Variants in RAD51B observed in about 807,000 individuals in gnomAD.
The protein encoded by RAD51B is RAD51 paralog B, also known as DNA repair protein RAD51 homolog 2.
RAD51B carries 38 observed loss-of-function variants against 42.2 expected under a neutral mutation model. That is an observed-to-expected ratio of 0.90 (90% CI 0.70 to 1.18). The LOEUF (loss-of-function observed/expected upper bound fraction) is 1.18, where lower values mean the gene tolerates loss of function less well. Ranked by LOEUF, RAD51B falls within the 50% of genes most tolerant of loss-of-function variation. The pLI is 0.00. For missense variants in RAD51B, 373 were observed against 400.7 expected, an observed-to-expected ratio of 0.93 and a Z score of 0.59; for synonymous variants, 154 against 145.2, an observed-to-expected ratio of 1.06 and a Z score of -0.43.
intron 4 of RAD51B, among the ~76,000 whole-genome samples, chr14:67,839,801 G>C (rs938319537): frequency 6.0e-5 from 9 of 151,172 alleles, no homozygotes; most frequent in Admixed American, 3.3e-4. Flanking sequence ...TTTTTACTCT[G>C]ACCTTTTAAG....
At chr14:68,625,254 T>C (rs1485620849) in intron 10 of RAD51B, among the ~76,000 whole-genome samples, 1 of 152,152 alleles carries the variant, frequency 6.6e-6, no homozygotes, top group African/African-American at 2.4e-5. Context: ...TGTCGTGAGA[T>C]GTGTATCGGA....
At chr14:68,143,772 C>T (rs549849026) in intron 7 of RAD51B, among the ~76,000 whole-genome samples, 31 of 152,302 alleles carry the variant, frequency 2.0e-4, no homozygotes, top group Admixed American at 3.9e-4. Flanking sequence ...TCAGAGGAAG[C>T]GCAGGGTGGT....
intron 8 of RAD51B, among the ~76,000 whole-genome samples, chr14:68,391,640 A>AT (rs11414301): frequency 0.44 from 66,108 of 149,638 alleles, 16,176 homozygotes; most frequent in Admixed American, 0.58. Flanking sequence ...CATTATACCC[A>AT]TTTTTTTTTT....
chr14:67,986,665 C>T (rs2075199235), intron 7 of RAD51B, among the ~76,000 whole-genome samples: 1 of 152,162 alleles, frequency 6.6e-6, no homozygotes, highest in Admixed American at 6.5e-5. Context: ...CTCTTATTAT[C>T]CTTTTATTAT....
chr14:68,620,966 C>T (rs1179115995), intron 10 of RAD51B, among the ~76,000 whole-genome samples: 1 of 152,172 alleles, frequency 6.6e-6, no homozygotes, highest in Non-Finnish European at 1.5e-5. Flanking sequence ...ACTTAGATTG[C>T]ATGTTTATTT....
chr14:68,381,386 A>G (rs1053537490), intron 8 of RAD51B, among the ~76,000 whole-genome samples: 1 of 152,202 alleles, frequency 6.6e-6, no homozygotes, highest in African/African-American at 2.4e-5. Flanking sequence ...TAAAAAAGCC[A>G]TAGAGTTGGC....
At chr14:68,334,881 T>TATAGC (rs1555394279) in intron 8 of RAD51B, among the ~76,000 whole-genome samples, 3 of 130,272 alleles carry the variant, frequency 2.3e-5, no homozygotes, top group African/African-American at 8.4e-5. Context: ...ATAGGATAGA[T>TATAGC]ATATATTTTA....
rs148672009 is a variant in RAD51B, at chr14:68,017,970, G to GAATAAATAAATAAATAAATA, written c.756+130778_756+130797dup. On this transcript the variant is annotated intron_variant, in intron 7 of 10. Transcript: ENST00000471583. Reference sequence around the variant, plus strand: ...TAGTGACAGAGCAAGACTCCGTCTCGAATAAATAAATAAATAAATAAATAA... The same window carrying GAATAAATAAATAAATAAATA: ...TAGTGACAGAGCAAGACTCCGTCTCGAATAAATAAATAAATAAATAAATAAATAAATAAATAAATAAATAA... Among the ~76,000 whole-genome samples, 228 of 149,430 alleles carry GAATAAATAAATAAATAAATA rather than the reference G, an allele frequency of 1.5e-3. 1 individual carries two copies. Among genetic ancestry groups the GAATAAATAAATAAATAAATA allele is most frequent in the Admixed American group, 6.6e-3 (99 of 14,974 alleles).
chr14:68,065,206 T>A (rs1397229336), intron 7 of RAD51B, among the ~76,000 whole-genome samples: 1 of 152,136 alleles, frequency 6.6e-6, no homozygotes, highest in Non-Finnish European at 1.5e-5. Flanking sequence ...GTAGTCTCCA[T>A]GCAGTTTCTT....
chr14:68,421,620 G>A lies in RAD51B; in HGVS notation c.957+10093G>A, dbSNP rs17113834. The A allele has an allele frequency of 7.4e-4, 856 of 1,155,370 alleles. 3 individuals are homozygous for A. The African/African-American group carries it at 0.011, about 15-fold the overall frequency. 71.6% of individuals were successfully genotyped at this position (1,155,370 alleles called of 1,614,324 possible). On this transcript the variant is annotated intron_variant, in intron 9 of 10. Coordinates refer to ENST00000471583, the MANE Select transcript of RAD51B (RefSeq NM_133510.4). ...GAGCACAAAGATTCTAGGATACTGC[G>A]AGCAAACGGGGTGGAGGGGTGCTCT...
At chr14:68,680,699 C>T (rs1352400285) in intron 11 of RAD51B, among the ~76,000 whole-genome samples, 2 of 152,110 alleles carry the variant, frequency 1.3e-5, no homozygotes, top group Non-Finnish European at 2.9e-5. Flanking sequence ...TTAGTCAATG[C>T]CCAGTTTCTC....
At chr14:68,104,798 A>T (rs1266126493) in intron 7 of RAD51B, among the ~76,000 whole-genome samples, 2 of 152,104 alleles carry the variant, frequency 1.3e-5, no homozygotes, top group Non-Finnish European at 2.9e-5. Context: ...GAGCTACCTA[A>T]TGAGATACTG....
At chr14:68,246,824 T>C (rs540079041) in intron 7 of RAD51B, among the ~76,000 whole-genome samples, 1 of 152,342 alleles carries the variant, frequency 6.6e-6, no homozygotes, top group African/African-American at 2.4e-5. Flanking sequence ...AAGTCTTTCT[T>C]TGCAATTTTG....
At chr14:68,160,035 G>A (rs914706858) in intron 7 of RAD51B, among the ~76,000 whole-genome samples, 3 of 151,712 alleles carry the variant, frequency 2.0e-5, no homozygotes, top group African/African-American at 4.8e-5. Context: ...AAACATGTGA[G>A]AACACTCCTA....
At chr14:68,322,715 A>G in intron 8 of RAD51B, among the ~76,000 whole-genome samples, 1 of 152,138 alleles carries the variant, frequency 6.6e-6, no homozygotes, top group East Asian at 1.9e-4. Flanking sequence ...TGGAAAGGCC[A>G]TTGTCTCCTT....
At chr14:68,407,752 G>A (rs1475424180) in intron 8 of RAD51B, among the ~76,000 whole-genome samples, 1 of 152,186 alleles carries the variant, frequency 6.6e-6, no homozygotes, top group Non-Finnish European at 1.5e-5. Context: ...AGCATTGAAG[G>A]CAGAGTAGAT....
At chr14:67,996,208 G>A (rs996628684) in intron 7 of RAD51B, among the ~76,000 whole-genome samples, 17 of 151,548 alleles carry the variant, frequency 1.1e-4, no homozygotes, top group Admixed American at 9.2e-4. Flanking sequence ...CCAGCCTGGG[G>A]AACAAAGTGA....
intron 8 of RAD51B, among the ~76,000 whole-genome samples, chr14:68,354,052 G>A (rs2082844191): frequency 6.6e-6 from 1 of 152,164 alleles, no homozygotes; most frequent in African/African-American, 2.4e-5. Flanking sequence ...GTTGACGATA[G>A]CAATGTTTTC....
intron 5 of RAD51B, among the ~76,000 whole-genome samples, chr14:67,877,081 G>C (rs1234505312): frequency 6.6e-6 from 1 of 152,204 alleles, no homozygotes; most frequent in East Asian, 1.9e-4. Flanking sequence ...GAATTTGTAG[G>C]GGGGTGCAAG....
Sources: allele counts gnomAD v4.1 joint callset (sites outside exome capture counted in the v4.1 genomes callset), GRCh38; gene constraint gnomAD v4.1.1; transcripts MANE v1.5; gene names NCBI Gene and HGNC (gene_info 2026-07-23, HGNC 2026-07-21).